The following SORCS3 variants were observed in gnomAD, a reference collection of about 807,000 sequenced individuals.
SORCS3 encodes the protein VPS10 domain-containing receptor SorCS3.
Under a neutral mutation model 146.3 loss-of-function variants are expected in SORCS3, and 57 were observed. The observed-to-expected ratio is 0.39, with a 90% CI of 0.31 to 0.49. The LOEUF is 0.49. SORCS3 is among the 20% of genes least tolerant of loss of function. The pLI is 0.92. For missense variants in SORCS3, 1,341 were observed against 1,575.5 expected (o/e 0.85, Z 2.52); for synonymous variants, 653 against 618.5 (o/e 1.06, Z -0.83).
intron 14 of SORCS3, among the ~76,000 whole-genome samples, chr10:105,192,961 G>T (rs779229802): frequency 6.6e-6 from 1 of 152,162 alleles, no homozygotes; most frequent in African/African-American, 2.4e-5. Flanking sequence ...ATTACATTTA[G>T]TGTGGCATTC....
At chr10:105,054,841 A>G (rs959493870) in intron 5 of SORCS3, among the ~76,000 whole-genome samples, 1 of 152,138 alleles carries the variant, frequency 6.6e-6, no homozygotes, top group African/African-American at 2.4e-5. Flanking sequence ...TCCTCTCTGC[A>G]AAATACAACC....
intron 13 of SORCS3, among the ~76,000 whole-genome samples, chr10:105,172,002 C>A (rs1414010460): frequency 6.6e-6 from 1 of 152,142 alleles, no homozygotes; most frequent in Non-Finnish European, 1.5e-5. Flanking sequence ...AAATGCCCAC[C>A]TTACGTAGTT....
At chr10:105,011,104 G>A (rs1386779892) in intron 4 of SORCS3, among the ~76,000 whole-genome samples, 1 of 152,136 alleles carries the variant, frequency 6.6e-6, no homozygotes, top group African/African-American at 2.4e-5. Context: ...CCGGACTGCT[G>A]TTGTTCTTTA....
intron 2 of SORCS3, among the ~76,000 whole-genome samples, chr10:104,870,292 C>A (rs1011065696): frequency 6.6e-6 from 1 of 152,192 alleles, no homozygotes; most frequent in African/African-American, 2.4e-5. Context: ...GAAAGAGAAA[C>A]ACTGATCCAC....
chr10:104,997,688 A>G (rs540659454), intron 4 of SORCS3, among the ~76,000 whole-genome samples: 1 of 152,308 alleles, frequency 6.6e-6, no homozygotes, highest in South Asian at 2.1e-4. Flanking sequence ...TCGAGCACTT[A>G]CAGATCTCCT....
chr10:104,721,125 CTT>C (rs2016542298), intron 1 of SORCS3, among the ~76,000 whole-genome samples: 1 of 152,186 alleles, frequency 6.6e-6, no homozygotes, highest in Admixed American at 6.5e-5. Context: ...ACATTTAAGT[CTT>C]TAACCCATCT....
intron 1 of SORCS3, among the ~76,000 whole-genome samples, chr10:104,751,969 A>ATATATATATG (rs3976798): frequency 8.1e-6 from 1 of 123,370 alleles, no homozygotes; most frequent in African/African-American, 2.9e-5. Flanking sequence ...ATATATATAT[A>ATATATATATG]ATAGTTTAGC....
intron 7 of SORCS3, among the ~76,000 whole-genome samples, chr10:105,138,677 C>G (rs1014256179): frequency 2.0e-5 from 3 of 152,194 alleles, no homozygotes; most frequent in African/African-American, 7.2e-5. Context: ...CATTTCTTGG[C>G]GTGGTTTCCA....
At position 105,066,688 on chromosome 10, in the gene SORCS3, G is replaced by A. The variant is rs78105503; in HGVS notation, c.1029-23087G>A. On this transcript the variant is annotated intron_variant, in intron 5 of 26. Coordinates refer to ENST00000369701, the MANE Select transcript of SORCS3 (RefSeq NM_014978.3). ...CCCTTCCACTCTTCTTATTTGATTA[G>A]CCAAGAAGCCTTTGCTCTAGCTACC... Among the ~76,000 whole-genome samples the A allele has an allele frequency of 3.2e-4, 49 of 152,252 alleles. 1 individual carries two copies. Among genetic ancestry groups the A allele is most frequent in the African/African-American group, 1.1e-3 (47 of 41,556 alleles).
At chr10:105,000,237 G>T (rs891802568) in intron 4 of SORCS3, among the ~76,000 whole-genome samples, 1 of 152,102 alleles carries the variant, frequency 6.6e-6, no homozygotes, top group African/African-American at 2.4e-5. Context: ...ACTGTGCTAA[G>T]TGTATTACTC....
intron 25 of SORCS3, among the ~76,000 whole-genome samples, chr10:105,261,098 A>G (rs1393409305): frequency 1.3e-5 from 2 of 152,170 alleles, no homozygotes; most frequent in Non-Finnish European, 2.9e-5. Flanking sequence ...GAAAACATAG[A>G]CCTTGCCTAC....
At chr10:104,741,524 C>G (rs1053160019) in intron 1 of SORCS3, among the ~76,000 whole-genome samples, 1 of 151,262 alleles carries the variant, frequency 6.6e-6, no homozygotes, top group Non-Finnish European at 1.5e-5. Flanking sequence ...TGTTTCTTCA[C>G]TCTACTTTCT....
chr10:105,009,175 A>G (rs890011200), intron 4 of SORCS3, among the ~76,000 whole-genome samples: 1 of 152,182 alleles, frequency 6.6e-6, no homozygotes, highest in Non-Finnish European at 1.5e-5. Flanking sequence ...AGAATTTAAA[A>G]CAGGGCATAG....
intron 2 of SORCS3, among the ~76,000 whole-genome samples, chr10:104,866,564 A>G (rs1302149831): frequency 6.6e-6 from 1 of 152,212 alleles, no homozygotes; most frequent in African/African-American, 2.4e-5. Context: ...GCTGTAATTC[A>G]TATGCAAATT....
intron 4 of SORCS3, among the ~76,000 whole-genome samples, chr10:105,005,529 A>AGT (rs57742111): frequency 0.24 from 36,034 of 151,910 alleles, 4,919 homozygotes; most frequent in African/African-American, 0.37. Context: ...TGAAGTGTTC[A>AGT]GTAGTGGGGG....
At chr10:105,027,284 T>A (rs182845835) in intron 4 of SORCS3, among the ~76,000 whole-genome samples, 1 of 152,318 alleles carries the variant, frequency 6.6e-6, no homozygotes, top group African/African-American at 2.4e-5. Flanking sequence ...ACGATGCCAC[T>A]GGACTGTATG....
At chr10:104,728,113 CA>C (rs549309872) in intron 1 of SORCS3, among the ~76,000 whole-genome samples, 108 of 151,708 alleles carry the variant, frequency 7.1e-4, no homozygotes, top group African/African-American at 2.5e-3. Flanking sequence ...GTGTCCATAC[CA>C]TCAGGTTTTT....
At chr10:104,691,042 G>A (rs1051201247) in intron 1 of SORCS3, among the ~76,000 whole-genome samples, 2 of 152,230 alleles carry the variant, frequency 1.3e-5, no homozygotes, top group Admixed American at 6.5e-5. Context: ...TGTCCAGGGG[G>A]ATGGGCTTTG....
rs1400827564 is a variant in SORCS3 at position 105,214,500 on chromosome 10, A to G, written c.2434A>G (p.Lys812Glu). 1 of 1,614,022 alleles carries G rather than the reference A, an allele frequency of 6.2e-7. No homozygotes were observed. The highest frequency in any genetic ancestry group is 8.5e-7 in the Non-Finnish European group (1 of 1,180,022). Residue 812 changes from lysine (K) to glutamate (E), a missense_variant, in exon 18 of 27, where the codon AAG (lysine) becomes GAG (glutamate). Lys to Glu is a moderately conservative substitution (Grantham distance 56, BLOSUM62 1). Coordinates refer to ENST00000369701, the MANE Select transcript of SORCS3 (RefSeq NM_014978.3). ...TDGLREKYTA[K>E]AQMCPGKAPR... ...TGGGCTAAGGGAGAAGTACACCGCC[A>G]AGGCCCAGATGTGCCCTGGAAAAGC...
Sources: allele counts gnomAD v4.1 joint callset (sites outside exome capture counted in the v4.1 genomes callset), GRCh38; gene constraint gnomAD v4.1.1; transcripts MANE v1.5; gene names NCBI Gene and HGNC (gene_info 2026-07-23, HGNC 2026-07-21).